Variants in ATP10A observed in about 807,000 individuals in gnomAD.
ATP10A encodes the protein ATPase phospholipid transporting 10A (putative).
In ATP10A, 111 loss-of-function variants were observed where a neutral mutation model predicts 147.8. That is an observed-to-expected ratio of 0.75 (90% CI 0.64 to 0.88). The LOEUF is 0.88. ATP10A is among the 40% of genes least tolerant of loss of function. ATP10A has a pLI of 0.00. For missense variants in ATP10A, 1,927 were observed against 1,959.0 expected (o/e 0.98, Z 0.31); for synonymous variants, 875 against 841.6 (o/e 1.04, Z -0.69).
chr15:25,705,885 C>T (rs543759713), intron 12 of ATP10A, among the ~76,000 whole-genome samples: 4 of 152,330 alleles, frequency 2.6e-5, no homozygotes, highest in East Asian at 1.9e-4. Flanking sequence ...CTCCAGTGCA[C>T]GGCTGGCACC....
At chr15:25,683,105 G>A (rs1469824362) in intron 17 of ATP10A, among the ~76,000 whole-genome samples, 181 bp downstream of exon 17, 1 of 152,068 alleles carries the variant, frequency 6.6e-6, no homozygotes, top group East Asian at 1.9e-4. Context: ...TACAACACTT[G>A]ATGCACTGCA....
At chr15:25,859,009 C>G (rs1473990698) in intron 1 of ATP10A, among the ~76,000 whole-genome samples, 2 of 152,196 alleles carry the variant, frequency 1.3e-5, no homozygotes, top group African/African-American at 2.4e-5. Context: ...GAGCAGGGCT[C>G]CAGGTCTGCT....
chr15:25,763,361 C>T (rs557284550), intron 2 of ATP10A, among the ~76,000 whole-genome samples: 52 of 152,176 alleles, frequency 3.4e-4, no homozygotes, highest in African/African-American at 1.2e-3. Context: ...CCAGTGAGTC[C>T]GACTCATCCC....
intron 1 of ATP10A, among the ~76,000 whole-genome samples, chr15:25,840,358 T>G (rs1252449431): frequency 6.6e-6 from 1 of 152,170 alleles, no homozygotes; most frequent in Non-Finnish European, 1.5e-5. Context: ...CCCTCCACCC[T>G]CAGGTAGACT....
intron 1 of ATP10A, among the ~76,000 whole-genome samples, chr15:25,837,035 C>T (rs955893442): frequency 2.0e-5 from 3 of 152,082 alleles, no homozygotes; most frequent in South Asian, 2.1e-4. Flanking sequence ...GAAATGATCA[C>T]CACAGTCAAG....
chr15:25,777,096 C>CATGTGTGT lies in ATP10A; in HGVS notation c.654+3922_654+3923insACACACAT, dbSNP rs1555468162. 4.3e-4 allele frequency among the ~76,000 whole-genome samples: 65 copies of CATGTGTGT among 149,792 alleles called. 1 individual carries two copies. In the East Asian group the frequency reaches 6.2e-3, roughly 14 times the overall value. ...GTGCATGCGTGTGTGTGCATACGTG[C>CATGTGTGT]GTGTGTGTGTGTGTGTGTGTGTACC... On this transcript the variant is annotated intron_variant, in intron 2 of 20. Transcript: ENST00000555815.
At chr15:25,775,910 T>C (rs752040025) in intron 2 of ATP10A, among the ~76,000 whole-genome samples, 207 of 152,322 alleles carry the variant, frequency 1.4e-3, no homozygotes, top group Non-Finnish European at 1.8e-3. Context: ...TCATCTGACA[T>C]TTCATATCCC....
rs764144587 is a variant in ATP10A at position 25,695,080 on chromosome 15, G to A, written c.2827C>T (p.Pro943Ser). ...CTCACTTTGCCCTTGGTCTTCTCAG[G>A]GGCTCTCTGGAGGCCTCTGGACTGC... is the stretch of plus-strand genomic sequence containing the variant. ...YVQSRGLQRA[P>S]EKTKGKVSMR... Residue 943 changes from proline to serine, a missense_variant, in exon 14 of 21, where the codon CCT (proline) becomes TCT (serine). By Grantham distance (74) the Pro-to-Ser change is moderately conservative. Coordinates refer to ENST00000555815, the MANE Select transcript of ATP10A (RefSeq NM_024490.4). The A allele has an allele frequency of 4.6e-5, 74 of 1,614,020 alleles. 1 individual carries two copies. In the South Asian group the frequency reaches 7.1e-4, roughly 16 times the overall value.
chr15:25,761,734 A>G (rs531767152), intron 2 of ATP10A, among the ~76,000 whole-genome samples: 87 of 152,346 alleles, frequency 5.7e-4, no homozygotes, highest in African/African-American at 2.0e-3. Context: ...TGGAATGGCT[A>G]TATTTACCCA....
intron 2 of ATP10A, among the ~76,000 whole-genome samples, chr15:25,762,060 C>T (rs1476721891): frequency 1.3e-5 from 2 of 152,056 alleles, no homozygotes; most frequent in African/African-American, 2.4e-5. Context: ...ACTCAGGGGT[C>T]GGTTCCCCCC....
At chr15:25,707,656 C>T (rs548334875) in intron 12 of ATP10A, among the ~76,000 whole-genome samples, 16 of 152,168 alleles carry the variant, frequency 1.1e-4, no homozygotes, top group African/African-American at 3.4e-4. Context: ...CCCTGTTTCC[C>T]GAGGGGAAAA....
chr15:25,760,514 A>C (rs1325664380), intron 2 of ATP10A, among the ~76,000 whole-genome samples: 1 of 152,210 alleles, frequency 6.6e-6, no homozygotes, highest in East Asian at 1.9e-4. Flanking sequence ...AGCACTTACA[A>C]TCTTCAAGTG....
At chr15:25,725,278 A>C (rs906484506) in intron 5 of ATP10A, among the ~76,000 whole-genome samples, 1 of 152,218 alleles carries the variant, frequency 6.6e-6, no homozygotes, top group African/African-American at 2.4e-5. Context: ...CATCCGTGGA[A>C]AAAATGTCTT....
At chr15:25,768,683 A>ATTTTTTTTTTTTT (rs143608940) in intron 2 of ATP10A, among the ~76,000 whole-genome samples, 1 of 89,646 alleles carries the variant, frequency 1.1e-5, no homozygotes, top group African/African-American at 4.6e-5. Context: ...AGCTGGGCTA[A>ATTTTTTTTTTTTT]TTTTTTTTTT....
At chr15:25,834,137 T>C (rs1892491319) in intron 1 of ATP10A, among the ~76,000 whole-genome samples, 1 of 152,232 alleles carries the variant, frequency 6.6e-6, no homozygotes, top group South Asian at 2.1e-4. Flanking sequence ...CATCATGTTT[T>C]ACACCATAAA....
chr15:25,728,152 A>G (rs1005535824), intron 3 of ATP10A, among the ~76,000 whole-genome samples: 5 of 152,122 alleles, frequency 3.3e-5, no homozygotes, highest in African/African-American at 4.8e-5. Context: ...CACACTCTCA[A>G]GCCCACATGC....
chr15:25,742,099 G>C (rs535152913), intron 2 of ATP10A, among the ~76,000 whole-genome samples: 1 of 152,336 alleles, frequency 6.6e-6, no homozygotes, highest in East Asian at 1.9e-4. Context: ...GTGATAAGTA[G>C]GTTGGCCCAG....
chr15:25,713,939 G>A lies in ATP10A; in HGVS notation c.2079C>T (p.Tyr693=), dbSNP rs972280348. The A allele has an allele frequency of 7.4e-6, 12 of 1,611,412 alleles. No individual in the cohort carries two copies. The highest frequency in any genetic ancestry group is 1.6e-4 in the Middle Eastern group (1 of 6,084). ...QEQESERELR[Y]EAESPDEAAL... is the part of the protein sequence containing the mutation. The stretch of plus-strand genomic sequence containing the variant: ...CGGCCTCATCCGGGCTCTCCGCCTC[G>A]TACCGCAGCTCGCGCTCTGACTCCT... The change falls in exon 10 of 21, where the codon TAC becomes TAT. Residue 693 remains tyrosine, a synonymous_variant. Transcript: ENST00000555815.
At chr15:25,755,135 A>C (rs113383336) in intron 2 of ATP10A, among the ~76,000 whole-genome samples, 1 of 152,192 alleles carries the variant, frequency 6.6e-6, no homozygotes, top group Non-Finnish European at 1.5e-5. Context: ...AACTACCCAC[A>C]AATTCAGGAG....
Sources: allele counts gnomAD v4.1 joint callset (sites outside exome capture counted in the v4.1 genomes callset), GRCh38; gene constraint gnomAD v4.1.1; transcripts MANE v1.5; gene names NCBI Gene and HGNC (gene_info 2026-07-23, HGNC 2026-07-21).